Variants in CHN2 observed in about 807,000 individuals in gnomAD.
CHN2 encodes the protein chimerin 2.
In CHN2, 35 loss-of-function variants were observed where a neutral mutation model predicts 56.3. That is an observed-to-expected ratio of 0.62 (90% CI 0.47 to 0.82). The LOEUF (loss-of-function observed/expected upper bound fraction) is 0.82. Among genes scored for constraint, CHN2 ranks in the 40% least tolerant of loss-of-function variants. The pLI is 0.00. For missense variants in CHN2, 491 were observed against 580.5 expected (o/e 0.85, Z 1.58); for synonymous variants, 210 against 212.8 (o/e 0.99, Z 0.12).
At chr7:29,174,553 C>T (rs1379456645) in intron 2 of CHN2, among the ~76,000 whole-genome samples, 1 of 152,048 alleles carries the variant, frequency 6.6e-6, no homozygotes, top group Non-Finnish European at 1.5e-5. Context: ...AGAAAATACC[C>T]AACACAATGA....
intron 1 of CHN2, among the ~76,000 whole-genome samples, chr7:29,309,416 T>C (rs1794417988): frequency 1.3e-5 from 2 of 152,198 alleles, no homozygotes; most frequent in African/African-American, 2.4e-5. Context: ...TCTCCACTCA[T>C]AGAGGACAAA....
rs764730855 is a variant in CHN2, at chr7:29,400,749, T to C, written c.497T>C (p.Val166Ala). ...TATGCCACCCTACTCAGAGAAAAAG[T>C]ATCCAGAAGGCTGAGCAGGTCTAAA... Reference protein sequence around the residue: ...IGYATLLREKVSRRLSRSKNE... With the variant: ...IGYATLLREKASRRLSRSKNE... Residue 166 changes from valine to alanine, a missense_variant, in exon 6 of 13, where the codon GTA becomes GCA. Physicochemically the swap from Val to Ala is moderately conservative, Grantham distance 64. Transcript: ENST00000222792. 8.3e-5 allele frequency: 134 copies of C among 1,614,006 alleles called. No individual in the cohort carries two copies. The highest frequency in any genetic ancestry group is 1.1e-4 in the Non-Finnish European group (132 of 1,180,014).
At chr7:29,242,996 C>G (rs39080) in intron 1 of CHN2, among the ~76,000 whole-genome samples, 79,190 of 151,266 alleles carry the variant, frequency 0.52, 22,124 homozygotes, top group East Asian at 0.92. Flanking sequence ...ATATAATTGA[C>G]AAGCAAGCAT....
intron 1 of CHN2, among the ~76,000 whole-genome samples, chr7:29,333,883 A>G (rs1198703530): frequency 6.6e-6 from 1 of 152,114 alleles, no homozygotes; most frequent in African/African-American, 2.4e-5. Context: ...GCTGGTGAGA[A>G]AAGGTAGATG....
chr7:29,267,762 C>T (rs1364952629), intron 1 of CHN2, among the ~76,000 whole-genome samples: 7 of 152,182 alleles, frequency 4.6e-5, no homozygotes, highest in Admixed American at 1.3e-4. Context: ...TCAGGCCATT[C>T]TTCAAGACAG....
chr7:29,507,325 C>T lies in CHN2; in HGVS notation c.1089C>T (p.Val363=), dbSNP rs772862465. The T allele has an allele frequency of 2.5e-6, 4 of 1,612,622 alleles. No homozygotes were observed. In the Admixed American group the frequency reaches 6.7e-5, roughly 27 times the overall value. Residue 363 remains valine (V), a synonymous_variant, in exon 11 of 13, where the codon GTC becomes GTT. Coordinates refer to ENST00000222792, the MANE Select transcript of CHN2 (RefSeq NM_004067.4). ...ATTTCAGAGACTTACCCATCCCTGTCATCACATATGATACCTATTCCAAAT... is the reference window on the plus strand; with the variant it reads ...ATTTCAGAGACTTACCCATCCCTGTTATCACATATGATACCTATTCCAAAT... ...KLYFRDLPIP[V]ITYDTYSKFI... is the part of the protein sequence containing the mutation.
At chr7:29,174,330 T>TG (rs1183241695) in intron 2 of CHN2, among the ~76,000 whole-genome samples, 1 of 152,130 alleles carries the variant, frequency 6.6e-6, no homozygotes, top group Non-Finnish European at 1.5e-5. Context: ...TATCTGCTTC[T>TG]GGGGAAAGGA....
intron 12 of CHN2, 128 bp downstream of exon 12, chr7:29,509,534 A>C (rs1295440119): frequency 7.4e-6 from 5 of 671,416 alleles, no homozygotes; most frequent in Non-Finnish European, 1.3e-5. Flanking sequence ...CACTCCAGGC[A>C]CTTTCAGTGT....
At chr7:29,226,627 AAAAATC>A (rs778550661) in intron 1 of CHN2, among the ~76,000 whole-genome samples, 22 of 152,338 alleles carry the variant, frequency 1.4e-4, no homozygotes, top group Non-Finnish European at 2.8e-4. Context: ...CTCAATATAA[AAAAATC>A]AAAATCAAAA....
intron 11 of CHN2, among the ~76,000 whole-genome samples, chr7:29,507,771 T>C (rs990357697): frequency 6.6e-6 from 1 of 152,212 alleles, no homozygotes; most frequent in Non-Finnish European, 1.5e-5. Context: ...ACATAAAATA[T>C]ACTAACATTA....
chr7:29,482,797 C>CTTTTCTT (rs1787429870), intron 7 of CHN2, among the ~76,000 whole-genome samples: 4 of 64,216 alleles, frequency 6.2e-5, no homozygotes, highest in Non-Finnish European at 8.8e-5. Flanking sequence ...GCACTTTTTT[C>CTTTTCTT]TTTTTTTTTT....
At chr7:29,437,893 T>C (rs959939764) in intron 6 of CHN2, among the ~76,000 whole-genome samples, 3 of 152,118 alleles carry the variant, frequency 2.0e-5, no homozygotes, top group African/African-American at 7.2e-5. Context: ...AGAGCTTCAT[T>C]GGGGTGTCAA....
At chr7:29,255,991 T>C (rs1355497071) in intron 1 of CHN2, among the ~76,000 whole-genome samples, 1 of 152,248 alleles carries the variant, frequency 6.6e-6, no homozygotes, top group Non-Finnish European at 1.5e-5. Context: ...CCAATTTACC[T>C]TTCCTTTGGT....
At chr7:29,168,562 G>GT (rs1235176283) in intron 2 of CHN2, among the ~76,000 whole-genome samples, 1 of 152,076 alleles carries the variant, frequency 6.6e-6, no homozygotes, top group Non-Finnish European at 1.5e-5. Context: ...TTTCATCTGT[G>GT]TATCTCTAAA....
rs551623573 is a variant in CHN2, at chr7:29,328,428, T to C, written c.50-26197T>C. Among the ~76,000 whole-genome samples the C allele has an allele frequency of 8.2e-3, 1,256 of 152,258 alleles. 7 individuals are homozygous for C. The highest frequency in any genetic ancestry group is 0.017 in the Middle Eastern group (5 of 294). On this transcript the variant is annotated intron_variant, in intron 1 of 12. Coordinates refer to ENST00000222792, the MANE Select transcript of CHN2 (RefSeq NM_004067.4). Reference sequence around the variant, plus strand: ...AACAAGAGCATTTCTTTTGAGAGTTTAACTTGGGCTGAATTTATATAGAGA... The same window carrying C: ...AACAAGAGCATTTCTTTTGAGAGTTCAACTTGGGCTGAATTTATATAGAGA...
At chr7:29,150,117 T>G (rs1793385718) in intron 2 of CHN2, among the ~76,000 whole-genome samples, 1 of 152,226 alleles carries the variant, frequency 6.6e-6, no homozygotes, top group Non-Finnish European at 1.5e-5. Context: ...TCACAAGCCC[T>G]TGTGTTCTCT....
intron 2 of CHN2, among the ~76,000 whole-genome samples, chr7:29,167,929 G>T (rs1458481448): frequency 6.6e-6 from 1 of 152,154 alleles, no homozygotes; most frequent in South Asian, 2.1e-4. Flanking sequence ...TGACAAGGAG[G>T]CCTACAACAT....
At chr7:29,252,578 G>GTTTTTTTTTTGTTTTTTTTTTTT (rs1788668647) in intron 1 of CHN2, among the ~76,000 whole-genome samples, 1 of 19,488 alleles carries the variant, frequency 5.1e-5, no homozygotes, top group Non-Finnish European at 8.2e-5. Flanking sequence ...TGCATTCTTT[G>GTTTTTTTTTTGTTTTTTTTTTTT]TTTTTTTTTT....
At position 29,245,878 on chromosome 7, in the gene CHN2, A is replaced by G. The variant is rs143074422; in HGVS notation, c.49+50888A>G. Reference sequence around the variant, plus strand: ...TTGTGGAATTGCTTCCCATGCTTCAAATACATCTTGGATATCTCCTTGTCG... The same window carrying G: ...TTGTGGAATTGCTTCCCATGCTTCAGATACATCTTGGATATCTCCTTGTCG... On this transcript the variant is annotated intron_variant, in intron 1 of 12. Coordinates refer to ENST00000222792, the MANE Select transcript of CHN2 (RefSeq NM_004067.4). Among the ~76,000 whole-genome samples, 4 of 152,316 alleles carry G rather than the reference A, an allele frequency of 2.6e-5. No homozygotes were observed. The East Asian group carries it at 5.8e-4, about 22-fold the overall frequency.
Sources: gnomAD v4.1 joint callset for allele counts (sites outside exome capture counted in the v4.1 genomes callset) on GRCh38, gnomAD v4.1.1 for gene constraint, MANE v1.5 for transcripts, NCBI Gene and HGNC (gene_info 2026-07-23, HGNC 2026-07-21) for gene names.